The following SHISA6 variants were observed in gnomAD, a reference collection of about 807,000 sequenced individuals.
The protein encoded by SHISA6 is shisa family member 6.
SHISA6 carries 22 observed loss-of-function variants against 47.9 expected under a neutral mutation model. That is an observed-to-expected ratio of 0.46 (90% CI 0.33 to 0.66). The LOEUF is 0.66. SHISA6 is among the 30% of genes least tolerant of loss of function. SHISA6 has a pLI of 0.02. For synonymous variants in SHISA6, 388 were observed against 337.8 expected (o/e 1.15, Z -1.63); for missense variants, 680 against 764.6 (o/e 0.89, Z 1.30).
intron 3 of SHISA6, among the ~76,000 whole-genome samples, chr17:11,481,396 A>G (rs955959831): frequency 1.3e-5 from 2 of 149,824 alleles, no homozygotes; most frequent in Non-Finnish European, 3.0e-5. Context: ...ATTTAGAAAC[A>G]TAAGTAAATA....
intron 3 of SHISA6, among the ~76,000 whole-genome samples, chr17:11,418,457 C>T (rs953592368): frequency 1.3e-5 from 2 of 152,150 alleles, no homozygotes; most frequent in Non-Finnish European, 2.9e-5. Flanking sequence ...CATTCTGCAC[C>T]CTGCCCCTCA....
At chr17:11,318,064 T>C (rs1910583686) in intron 2 of SHISA6, among the ~76,000 whole-genome samples, 1 of 152,190 alleles carries the variant, frequency 6.6e-6, no homozygotes, top group Non-Finnish European at 1.5e-5. Context: ...TAGTAAATTT[T>C]TTTTATGTAT....
At chr17:11,299,855 A>G (rs77388808) in intron 2 of SHISA6, among the ~76,000 whole-genome samples, 2,822 of 152,260 alleles carry the variant, frequency 0.019, 46 homozygotes, top group Non-Finnish European at 0.026. Context: ...ATGAAAAGCA[A>G]CACCTTCAGG....
rs1430732921 is a variant in SHISA6 at position 11,559,670 on chromosome 17, C to T, written c.*1366C>T. 2 of 152,416 alleles carry T rather than the reference C, an allele frequency of 1.3e-5. No homozygotes were observed. The highest frequency in any genetic ancestry group is 2.9e-5 in the Non-Finnish European group (2 of 68,192). The allele number at this position is 152,416 out of a possible 1,614,324, so 9.4% of individuals were successfully genotyped here. A position where few individuals can be genotyped will look rare whatever the true frequency, so the allele number is the denominator to read the frequency against. ...TCCAGGCGACTGGCCTAGGGGCTAA[C>T]TGGGCAGGTCCCCACAGCATCATCC... On this transcript the variant is annotated 3_prime_UTR_variant, in exon 6 of 6. Coordinates refer to ENST00000441885, the MANE Select transcript of SHISA6 (RefSeq NM_207386.4). The surrounding 1 kb of genome is among the most constrained non-coding windows in gnomAD (Gnocchi z 4.4).
At position 11,417,697 on chromosome 17, in the gene SHISA6, G is replaced by T. The variant is rs575226321; in HGVS notation, c.895+38188G>T. 1.1e-4 allele frequency among the ~76,000 whole-genome samples: 17 copies of T among 152,350 alleles called. No homozygotes were observed. In the East Asian group the frequency reaches 2.9e-3, roughly 26 times the overall value. On this transcript the variant is annotated intron_variant, in intron 3 of 5. Transcript: ENST00000441885. ...GGACCATCTTCTCAGCAGAGCCATT[G>T]CTGGTAGTTCGGACATGGTAGGAAC...
chr17:11,452,673 TCTC>T (rs900635581), intron 3 of SHISA6, among the ~76,000 whole-genome samples: 18 of 11,156 alleles, frequency 1.6e-3, no homozygotes, highest in East Asian at 0.015. Flanking sequence ...CTCCCCTCCT[TCTC>T]CTCTTCCTCT....
intron 3 of SHISA6, among the ~76,000 whole-genome samples, chr17:11,433,388 C>T (rs1030998741): frequency 5.3e-5 from 8 of 152,262 alleles, no homozygotes; most frequent in South Asian, 4.2e-4. Context: ...CAGCTCCATC[C>T]GTGTCCCTGC....
chr17:11,268,508 T>C (rs1908514810), intron 2 of SHISA6, among the ~76,000 whole-genome samples: 1 of 152,220 alleles, frequency 6.6e-6, no homozygotes, highest in Non-Finnish European at 1.5e-5. Flanking sequence ...TCCCCCTTTC[T>C]GTTTCTGTAG....
At chr17:11,244,442 T>C (rs944211924) in intron 1 of SHISA6, among the ~76,000 whole-genome samples, 1 of 152,164 alleles carries the variant, frequency 6.6e-6, no homozygotes, top group African/African-American at 2.4e-5. Flanking sequence ...TGAAGCACAA[T>C]GTCCCAACTC....
intron 3 of SHISA6, among the ~76,000 whole-genome samples, chr17:11,519,297 A>G (rs2071609888): frequency 6.6e-6 from 1 of 152,246 alleles, no homozygotes. Flanking sequence ...ACAATGGGAT[A>G]TCATTCAGCC....
intron 3 of SHISA6, among the ~76,000 whole-genome samples, chr17:11,477,689 G>A (rs1453544222): frequency 8.1e-5 from 12 of 147,470 alleles, no homozygotes; most frequent in Admixed American, 2.7e-4. Context: ...TTGTTCTTGC[G>A]ATAGTTTACT....
chr17:11,544,781 A>G (rs1204983988), intron 3 of SHISA6, among the ~76,000 whole-genome samples: 1 of 152,040 alleles, frequency 6.6e-6, no homozygotes, highest in Non-Finnish European at 1.5e-5. Flanking sequence ...TAACAGGGTG[A>G]AACCCCGTCT....
chr17:11,534,314 A>T (rs2071767094), intron 3 of SHISA6, among the ~76,000 whole-genome samples: 2 of 151,916 alleles, frequency 1.3e-5, no homozygotes, highest in Non-Finnish European at 2.9e-5. Flanking sequence ...GGCCTATTCT[A>T]ACATTTTGAA....
chr17:11,445,772 C>T (rs1004111523), intron 3 of SHISA6, among the ~76,000 whole-genome samples: 1 of 152,144 alleles, frequency 6.6e-6, no homozygotes, highest in Non-Finnish European at 1.5e-5. Context: ...AGCCCGGGGG[C>T]CGGGAGCAAG....
intron 2 of SHISA6, among the ~76,000 whole-genome samples, chr17:11,283,115 G>T (rs6502139): frequency 0.77 from 117,798 of 152,134 alleles, 46,271 homozygotes; most frequent in Non-Finnish European, 0.85. Context: ...TCTTAACTTC[G>T]CAGGATTCAA....
intron 3 of SHISA6, among the ~76,000 whole-genome samples, chr17:11,382,714 C>T (rs749841644): frequency 3.3e-5 from 5 of 152,144 alleles, no homozygotes; most frequent in Non-Finnish European, 5.9e-5. Context: ...TGGCATCTAG[C>T]CATTGCGTTG....
intron 3 of SHISA6, among the ~76,000 whole-genome samples, chr17:11,448,379 T>G (rs951991981): frequency 3.3e-5 from 5 of 150,038 alleles, no homozygotes; most frequent in African/African-American, 1.2e-4. Context: ...AGATAAAAAA[T>G]TAGCCGGGCG....
At chr17:11,308,232 T>C (rs1189503806) in intron 2 of SHISA6, among the ~76,000 whole-genome samples, 1 of 152,192 alleles carries the variant, frequency 6.6e-6, no homozygotes, top group Non-Finnish European at 1.5e-5. Flanking sequence ...TTTTTCACAA[T>C]TTCTGTTCAG....
At chr17:11,301,706 G>T (rs1909935645) in intron 2 of SHISA6, among the ~76,000 whole-genome samples, 2 of 152,140 alleles carry the variant, frequency 1.3e-5, no homozygotes, top group South Asian at 4.1e-4. Context: ...TGTCCTTGTG[G>T]ATCCCCAAGT....
Sources: gnomAD v4.1 joint callset for allele counts (sites outside exome capture counted in the v4.1 genomes callset) on GRCh38, gnomAD v4.1.1 for gene constraint, Gnocchi (gnomAD v3.1) non-coding constraint, MANE v1.5 for transcripts, NCBI Gene and HGNC (gene_info 2026-07-23, HGNC 2026-07-21) for gene names.